PUM1: variants seen among roughly 807,000 people sequenced by gnomAD.
PUM1 encodes pumilio RNA binding family member 1.
PUM1 carries 13 observed loss-of-function variants against 131.8 expected under a neutral mutation model. The ratio of observed to expected loss-of-function variants is 0.10; its 90% CI spans 0.06 to 0.16. The LOEUF (loss-of-function observed/expected upper bound fraction) is 0.16, where lower values mean the gene tolerates loss of function less well. Among genes scored for constraint, PUM1 ranks in the 10% least tolerant of loss-of-function variants. The probability of loss-of-function intolerance (pLI) is 1.00; values close to 1 mark genes in which losing one functional copy is unlikely to be tolerated. For synonymous variants in PUM1, 509 were observed against 556.5 expected (o/e 0.91, Z 1.20); for missense variants, 961 against 1,512.4 (o/e 0.64, Z 6.05).
At chr1:30,935,781 C>A (rs1261424281) in intron 21 of PUM1, 2 of 415,654 alleles carry the variant, frequency 4.8e-6, no homozygotes, top group African/African-American at 4.4e-5. Context: ...AGACAATGGC[C>A]AACCAACCCC....
intron 10 of PUM1, among the ~76,000 whole-genome samples, chr1:30,973,869 C>T (rs1009635366): frequency 4.6e-5 from 7 of 152,088 alleles, no homozygotes; most frequent in African/African-American, 1.4e-4. Flanking sequence ...GCGGGTGGAT[C>T]ACGAGGTCAG....
At chr1:31,042,070 C>T (rs551438140) in intron 2 of PUM1, among the ~76,000 whole-genome samples, 19 of 152,082 alleles carry the variant, frequency 1.2e-4, no homozygotes, top group Admixed American at 9.8e-4. Flanking sequence ...TTTGGGAGGC[C>T]GAGGCAGGTG....
chr1:31,009,782 A>AAAAAAAACAAAAACAAAAAC, intron 3 of PUM1, among the ~76,000 whole-genome samples: 1 of 125,368 alleles, frequency 8.0e-6, no homozygotes, highest in Non-Finnish European at 1.6e-5. Context: ...AAAAAAAAAA[A>AAAAAAAACAAAAACAAAAAC]AAAAACAAAA....
chr1:31,036,815 C>T (rs1448248833), intron 2 of PUM1: 2 of 153,426 alleles, frequency 1.3e-5, no homozygotes, highest in African/African-American at 4.8e-5. Context: ...CAAGACCAGG[C>T]CTAAAATACA....
At chr1:31,050,066 G>A (rs1274536609) in intron 2 of PUM1, among the ~76,000 whole-genome samples, 1 of 151,710 alleles carries the variant, frequency 6.6e-6, no homozygotes, top group Non-Finnish European at 1.5e-5. Context: ...CCTGACCTCA[G>A]GTGATCCGCC....
intron 20 of PUM1, among the ~76,000 whole-genome samples, chr1:30,940,529 G>A (rs139396249): frequency 6.6e-6 from 1 of 152,242 alleles, no homozygotes; most frequent in African/African-American, 2.4e-5. Flanking sequence ...GTCCTGCCTT[G>A]CAATTTATTC....
At chr1:31,061,067 A>G (rs1644356301) in intron 1 of PUM1, among the ~76,000 whole-genome samples, 1 of 152,182 alleles carries the variant, frequency 6.6e-6, no homozygotes, top group Non-Finnish European at 1.5e-5. Context: ...CCAGTAACTT[A>G]CAACTATTAA....
At chr1:31,019,616 C>G (rs1642948503) in intron 3 of PUM1, among the ~76,000 whole-genome samples, 3 of 152,182 alleles carry the variant, frequency 2.0e-5, no homozygotes, top group Admixed American at 2.0e-4. Flanking sequence ...GTTATTTTGT[C>G]ATGAATTAAC....
chr1:31,050,674 C>T (rs1467037955), intron 2 of PUM1, among the ~76,000 whole-genome samples: 1 of 152,146 alleles, frequency 6.6e-6, no homozygotes, highest in Non-Finnish European at 1.5e-5. Context: ...GCAATCTACC[C>T]AGGTAGACAA....
At chr1:31,046,358 C>T (rs554157797) in intron 2 of PUM1, among the ~76,000 whole-genome samples, 1 of 152,062 alleles carries the variant, frequency 6.6e-6, no homozygotes, top group Non-Finnish European at 1.5e-5. Flanking sequence ...TGCACTCCAA[C>T]CTGGGCAACA....
chr1:30,933,618 C>T lies in PUM1; in HGVS notation c.3436-276G>A, dbSNP rs185446700. ...CCTGAGGACCCTGGAGGCTGGGTGG[C>T]CATGGGCCACTCCCAGGACAACACA... On this transcript the variant is annotated intron_variant, in intron 21 of 21. Coordinates refer to ENST00000426105, the MANE Select transcript of PUM1 (RefSeq NM_001020658.2). Among the ~76,000 whole-genome samples, 582 of 152,312 alleles carry T rather than the reference C, an allele frequency of 3.8e-3. 2 individuals are homozygous for T. Among genetic ancestry groups the T allele is most frequent in the Non-Finnish European group, 6.8e-3 (461 of 68,020 alleles).
intron 2 of PUM1, chr1:31,051,160 A>C (rs1359366875): frequency 1.4e-5 from 2 of 143,606 alleles, no homozygotes; most frequent in African/African-American, 5.3e-5. Flanking sequence ...AAAACCCTTC[A>C]AAAAAAAAAA....
chr1:31,058,616 C>T (rs973271588), intron 2 of PUM1, among the ~76,000 whole-genome samples: 1 of 147,188 alleles, frequency 6.8e-6, no homozygotes, highest in Non-Finnish European at 1.5e-5. Flanking sequence ...GAGCAGAGAT[C>T]GCGCCAGTGC....
chr1:31,016,642 A>C (rs906953029), intron 3 of PUM1, among the ~76,000 whole-genome samples: 1 of 152,178 alleles, frequency 6.6e-6, no homozygotes, highest in African/African-American at 2.4e-5. Context: ...TCTAAGAATC[A>C]ACATCTCCAA....
intron 2 of PUM1, among the ~76,000 whole-genome samples, chr1:31,039,159 G>A (rs1179851651): frequency 6.8e-6 from 1 of 147,348 alleles, no homozygotes; most frequent in Admixed American, 6.8e-5. Context: ...ACCATGCCTG[G>A]CTGACTTTTT....
intron 17 of PUM1, chr1:30,949,206 T>C: frequency 2.4e-6 from 1 of 421,218 alleles, no homozygotes. Context: ...TGCCAGACAA[T>C]GGCCAACCAA....
chr1:31,050,605 G>A (rs910696228), intron 2 of PUM1, among the ~76,000 whole-genome samples: 1 of 152,192 alleles, frequency 6.6e-6, no homozygotes, highest in African/African-American at 2.4e-5. Context: ...AACAAAATAT[G>A]AAAGATGGAT....
intron 3 of PUM1, among the ~76,000 whole-genome samples, chr1:31,018,967 G>C (rs1293125494): frequency 6.6e-6 from 1 of 152,196 alleles, no homozygotes; most frequent in Non-Finnish European, 1.5e-5. Context: ...AGGGTATTGA[G>C]GCTGCCCTGA....
intron 2 of PUM1, among the ~76,000 whole-genome samples, chr1:31,040,938 A>G (rs1204495036): frequency 6.6e-6 from 1 of 152,222 alleles, no homozygotes; most frequent in Non-Finnish European, 1.5e-5. Flanking sequence ...TCAATTTGGC[A>G]GTGGCACAGA....
Sources: gnomAD v4.1 joint callset for allele counts (sites outside exome capture counted in the v4.1 genomes callset) on GRCh38, gnomAD v4.1.1 for gene constraint, MANE v1.5 for transcripts, NCBI Gene and HGNC (gene_info 2026-07-23, HGNC 2026-07-21) for gene names.